Variants in CENPP observed in about 807,000 individuals in gnomAD.
The protein encoded by CENPP is centromere protein P.
CENPP carries 24 observed loss-of-function variants against 35.6 expected under a neutral mutation model. The ratio of observed to expected loss-of-function variants is 0.67; its 90% CI spans 0.49 to 0.95. The LOEUF is 0.95. CENPP is among the 40% of genes least tolerant of loss of function. The pLI is 0.00. For synonymous variants in CENPP, 120 were observed against 125.5 expected, an observed-to-expected ratio of 0.96 and a Z score of 0.29; for missense variants, 332 against 345.3, an observed-to-expected ratio of 0.96 and a Z score of 0.31.
intron 5 of CENPP, chr9:92,514,824 C>T (rs1337544723): frequency 1.2e-6 from 2 of 1,611,956 alleles, no homozygotes; most frequent in African/African-American, 2.7e-5. Context: ...CCTCCTCGTC[C>T]TCCTCATCCT....
chr9:92,385,488 G>T (rs1842382103), intron 5 of CENPP: 2 of 766,586 alleles, frequency 2.6e-6, no homozygotes, highest in Non-Finnish European at 2.1e-6. Context: ...GAACATCCTT[G>T]CTTAAAATAT....
chr9:92,494,097 A>G (rs918694497), intron 5 of CENPP: 16 of 1,597,388 alleles, frequency 1.0e-5, no homozygotes, highest in Non-Finnish European at 1.3e-5. Context: ...CAGAGAGGAA[A>G]GGCCACATCT....
chr9:92,457,191 T>A, intron 5 of CENPP: 1 of 1,465,258 alleles, frequency 6.8e-7, no homozygotes, highest in African/African-American at 1.4e-5. Context: ...GATATTTGCT[T>A]GTATATATAA....
chr9:92,584,756 A>C (rs993478916), intron 5 of CENPP, among the ~76,000 whole-genome samples: 1 of 152,204 alleles, frequency 6.6e-6, no homozygotes, highest in African/African-American at 2.4e-5. Flanking sequence ...TAAAACATCT[A>C]TATAAAAATT....
intron 4 of CENPP, among the ~76,000 whole-genome samples, chr9:92,371,689 G>A (rs1842007302): frequency 6.6e-6 from 1 of 152,024 alleles, no homozygotes; most frequent in South Asian, 2.1e-4. Flanking sequence ...CTAATGCTGT[G>A]AACGGAGTGT....
chr9:92,417,558 T>C (rs766479498), intron 5 of CENPP: 2 of 1,540,036 alleles, frequency 1.3e-6, no homozygotes, highest in South Asian at 2.4e-5. Context: ...AAAAAACCCA[T>C]CTTCTTTTTT....
chr9:92,461,326 T>C (rs1223362829), intron 5 of CENPP, among the ~76,000 whole-genome samples: 2 of 152,222 alleles, frequency 1.3e-5, no homozygotes, highest in African/African-American at 4.8e-5. Context: ...TTCTTTACTG[T>C]CATCTAATAT....
At chr9:92,514,681 G>T in intron 5 of CENPP, 1 of 1,609,460 alleles carries the variant, frequency 6.2e-7, no homozygotes. Flanking sequence ...TGGTATCTGG[G>T]TAAGCATGGC....
chr9:92,329,534 CTTTTTTG>C (rs1564260009), intron 1 of CENPP, among the ~76,000 whole-genome samples: 2 of 151,772 alleles, frequency 1.3e-5, no homozygotes, highest in African/African-American at 2.4e-5. Context: ...TTTTCTTTTT[CTTTTTTG>C]TTTTGTTTTT....
At chr9:92,605,151 T>A (rs572417997) in intron 5 of CENPP, among the ~76,000 whole-genome samples, 1 of 152,060 alleles carries the variant, frequency 6.6e-6, no homozygotes, top group South Asian at 2.1e-4. Flanking sequence ...TGGCTAATTT[T>A]TATATTTTTA....
intron 5 of CENPP, among the ~76,000 whole-genome samples, chr9:92,457,843 A>C (rs1844941386): frequency 6.6e-6 from 1 of 152,202 alleles, no homozygotes; most frequent in South Asian, 2.1e-4. Context: ...TTACTTTTAT[A>C]AACATACATA....
chr9:92,547,836 T>C (rs1458570768), intron 5 of CENPP, among the ~76,000 whole-genome samples: 1 of 152,230 alleles, frequency 6.6e-6, no homozygotes, highest in Non-Finnish European at 1.5e-5. Flanking sequence ...TGTTATTTTT[T>C]TAAATGGTGA....
chr9:92,546,064 A>G (rs1340278224), intron 5 of CENPP, among the ~76,000 whole-genome samples: 3 of 151,544 alleles, frequency 2.0e-5, no homozygotes, highest in African/African-American at 4.9e-5. Context: ...AAATGCACCA[A>G]TCAGCACCCT....
chr9:92,330,761 T>C (rs1444175573), intron 1 of CENPP, among the ~76,000 whole-genome samples: 1 of 150,078 alleles, frequency 6.7e-6, no homozygotes, highest in Non-Finnish European at 1.5e-5. Context: ...TGATCTTGGC[T>C]CACTGCAACC....
chr9:92,579,549 T>C lies in CENPP; in HGVS notation c.565-31765T>C, dbSNP rs529196852. On this transcript the variant is annotated intron_variant, in intron 5 of 7. Transcript: ENST00000375587. ...GTAAGTTGGATTCCAAGGTATTTTA[T>C]TTTCTTTGAAGCAATTGTGAATGGG... Among the ~76,000 whole-genome samples, 561 of 152,244 alleles carry C rather than the reference T, an allele frequency of 3.7e-3. 3 individuals are homozygous for C. The highest frequency in any genetic ancestry group is 0.012 in the African/African-American group (499 of 41,524).
chr9:92,450,465 T>A (rs570007424), intron 5 of CENPP, among the ~76,000 whole-genome samples: 295 of 152,284 alleles, frequency 1.9e-3, no homozygotes, highest in African/African-American at 6.8e-3. Flanking sequence ...ATGGTGTATA[T>A]GTGCCACGTT....
At chr9:92,535,125 T>G (rs1849088488) in intron 5 of CENPP, among the ~76,000 whole-genome samples, 1 of 152,124 alleles carries the variant, frequency 6.6e-6, no homozygotes, top group South Asian at 2.1e-4. Context: ...TCACTTTTAC[T>G]TACCCAGAAA....
At chr9:92,588,461 G>C (rs1384716485) in intron 5 of CENPP, among the ~76,000 whole-genome samples, 1 of 151,576 alleles carries the variant, frequency 6.6e-6, no homozygotes, top group Admixed American at 6.6e-5. Flanking sequence ...CACCTTGTTA[G>C]CCAGGATGGT....
intron 5 of CENPP, among the ~76,000 whole-genome samples, chr9:92,606,747 T>C (rs1296084831): frequency 6.6e-6 from 1 of 152,064 alleles, no homozygotes; most frequent in African/African-American, 2.4e-5. Flanking sequence ...CTACTAAAAA[T>C]ACAAAAATTA....
Sources: allele counts gnomAD v4.1 joint callset (sites outside exome capture counted in the v4.1 genomes callset), GRCh38; gene constraint gnomAD v4.1.1; transcripts MANE v1.5; gene names NCBI Gene and HGNC (gene_info 2026-07-23, HGNC 2026-07-21).